Variants in SLC23A2 observed in about 807,000 individuals in gnomAD.
SLC23A2 encodes solute carrier family 23 member 2.
SLC23A2 carries 36 observed loss-of-function variants against 73.3 expected under a neutral mutation model. The ratio of observed to expected loss-of-function variants is 0.49; its 90% confidence interval spans 0.38 to 0.65. SLC23A2 has a LOEUF of 0.65. Among genes scored for constraint, SLC23A2 ranks in the 30% least tolerant of loss-of-function variants. The probability of loss-of-function intolerance (pLI) is 0.00; values close to 1 mark genes in which losing one functional copy is unlikely to be tolerated. For synonymous variants in SLC23A2, 343 were observed against 327.3 expected (o/e 1.05, Z -0.52); for missense variants, 507 against 841.6 (o/e 0.60, Z 4.92).
rs1172687445 is a variant in SLC23A2, at chr20:4,920,944, A to C, written c.109-7966T>G. On this transcript the variant is annotated intron_variant, in intron 3 of 16. Transcript: ENST00000338244. ...TTGATCACCAGTATTACTCCGCAGG[A>C]ATAAAGGGGCTAGGGAGAAGAATAG... 2.0e-5 allele frequency among the ~76,000 whole-genome samples: 3 copies of C among 152,320 alleles called. No individual in the cohort carries two copies. In the South Asian group the frequency reaches 6.2e-4, roughly 32 times the overall value.
intron 3 of SLC23A2, among the ~76,000 whole-genome samples, chr20:4,918,576 G>A (rs1320125575): frequency 3.9e-5 from 6 of 152,136 alleles, no homozygotes; most frequent in Non-Finnish European, 7.4e-5. Context: ...ATGGTCAGAG[G>A]TGTAGGAAGC....
intron 4 of SLC23A2, among the ~76,000 whole-genome samples, chr20:4,904,344 G>T (rs934515517): frequency 2.6e-5 from 4 of 152,226 alleles, no homozygotes; most frequent in Admixed American, 2.6e-4. Context: ...AACACTGCCT[G>T]CATGACTCCA....
intron 2 of SLC23A2, among the ~76,000 whole-genome samples, chr20:4,955,390 CA>C (rs2087270013): frequency 7.1e-6 from 1 of 141,714 alleles, no homozygotes; most frequent in Admixed American, 6.8e-5. Context: ...CACACACACA[CA>C]CACACACCCT....
chr20:4,946,461 T>G (rs2087120358), intron 2 of SLC23A2, among the ~76,000 whole-genome samples: 1 of 152,144 alleles, frequency 6.6e-6, no homozygotes, highest in Non-Finnish European at 1.5e-5. Context: ...GAAACATCCA[T>G]GGGGTGAGTT....
At chr20:4,892,548 T>G (rs1229149957) in intron 6 of SLC23A2, among the ~76,000 whole-genome samples, 5 of 152,164 alleles carry the variant, frequency 3.3e-5, no homozygotes, top group Non-Finnish European at 7.3e-5. Context: ...GGTAACAAAT[T>G]TTTTTATTTG....
intron 7 of SLC23A2, among the ~76,000 whole-genome samples, 162 bp from the exon 8 acceptor site, chr20:4,884,985 G>C (rs1475930140): frequency 1.3e-5 from 2 of 152,144 alleles, no homozygotes; most frequent in African/African-American, 4.8e-5. Flanking sequence ...CTCACTGAAA[G>C]GTGGATCCTC....
intron 9 of SLC23A2, among the ~76,000 whole-genome samples, chr20:4,877,882 C>T (rs994755097): frequency 7.9e-5 from 12 of 152,236 alleles, no homozygotes; most frequent in Admixed American, 5.2e-4. Context: ...CACTGACCGG[C>T]CGCACTAACC....
At chr20:4,892,241 G>A (rs564343238) in intron 6 of SLC23A2, among the ~76,000 whole-genome samples, 7 of 152,078 alleles carry the variant, frequency 4.6e-5, no homozygotes, top group South Asian at 2.1e-4. Flanking sequence ...CGTTCTCACT[G>A]GTCTACCTTA....
intron 2 of SLC23A2, among the ~76,000 whole-genome samples, chr20:4,942,605 A>G (rs1003397721): frequency 2.0e-5 from 3 of 152,206 alleles, no homozygotes; most frequent in African/African-American, 7.2e-5. Context: ...TCAGCTATTC[A>G]GCCTGTAATG....
At chr20:4,882,847 A>G (rs1930945333) in intron 9 of SLC23A2, among the ~76,000 whole-genome samples, 1 of 152,206 alleles carries the variant, frequency 6.6e-6, no homozygotes, top group Admixed American at 6.5e-5. Flanking sequence ...AAATTCTCTT[A>G]TGTGATGACT....
intron 1 of SLC23A2, among the ~76,000 whole-genome samples, chr20:4,983,830 C>T (rs1294119906): frequency 1.3e-5 from 2 of 151,376 alleles, no homozygotes; most frequent in South Asian, 2.1e-4. Flanking sequence ...GTGGTGCATG[C>T]CTGTAATCCC....
chr20:4,994,377 C>A (rs58235874), intron 1 of SLC23A2, among the ~76,000 whole-genome samples: 25,806 of 152,126 alleles, frequency 0.17, 2,269 homozygotes, highest in Middle Eastern at 0.25. Context: ...TAGTTAGCCC[C>A]CAGCTAGGTG....
chr20:4,976,493 C>T (rs749485352), intron 1 of SLC23A2, among the ~76,000 whole-genome samples: 7 of 150,958 alleles, frequency 4.6e-5, no homozygotes, highest in Admixed American at 2.0e-4. Flanking sequence ...CTGGCCAACA[C>T]GGTGAAACCC....
chr20:4,922,168 G>T (rs1471809177), intron 3 of SLC23A2, among the ~76,000 whole-genome samples: 1 of 152,182 alleles, frequency 6.6e-6, no homozygotes, highest in Non-Finnish European at 1.5e-5. Context: ...ATAAAAGTTA[G>T]TGGGGGTGGG....
At chr20:4,875,910 C>T (rs146145745) in intron 9 of SLC23A2, among the ~76,000 whole-genome samples, 19 of 152,278 alleles carry the variant, frequency 1.2e-4, no homozygotes, top group South Asian at 1.2e-3. Context: ...CATCGACAGC[C>T]GGTCAAGTGT....
chr20:4,932,268 G>C (rs1932798422), intron 3 of SLC23A2, among the ~76,000 whole-genome samples, 187 bp downstream of exon 3: 1 of 152,162 alleles, frequency 6.6e-6, no homozygotes, highest in Non-Finnish European at 1.5e-5. Context: ...CCCAGCAGAT[G>C]ACTCCAGGCT....
Position 4,872,362 on chromosome 20 carries a change from A to G in SLC23A2, c.1102+1574T>C, listed in dbSNP as rs1930481816. 6.6e-6 allele frequency among the ~76,000 whole-genome samples: 1 copy of G among 152,186 alleles called. No homozygotes were observed. The highest frequency in any genetic ancestry group is 2.4e-5 in the African/African-American group (1 of 41,444). On this transcript the variant is annotated intron_variant, in intron 11 of 16. Transcript: ENST00000338244. The surrounding 1 kb of genome is among the most constrained non-coding windows in gnomAD (Gnocchi z 4.4). ...CAGCCCTCGGCAGGCCAGGAGCCCT[A>G]CGTGCTCGCTCACGGCCAGCACAAC...
intron 2 of SLC23A2, among the ~76,000 whole-genome samples, chr20:4,968,310 G>A (rs925665458): frequency 2.6e-5 from 4 of 152,122 alleles, no homozygotes; most frequent in African/African-American, 7.2e-5. Flanking sequence ...CATATGATGC[G>A]TCTTTTGGGC....
chr20:4,869,845 C>T, intron 12 of SLC23A2, 61 bp downstream of exon 12: 1 of 1,500,250 alleles, frequency 6.7e-7, no homozygotes. Flanking sequence ...GTAATGTAAA[C>T]CTAAGAACAA....
Sources: allele counts gnomAD v4.1 joint callset (sites outside exome capture counted in the v4.1 genomes callset), GRCh38; gene constraint gnomAD v4.1.1; non-coding constraint Gnocchi (gnomAD v3.1); transcripts MANE v1.5; gene names NCBI Gene and HGNC (gene_info 2026-07-23, HGNC 2026-07-21).